PARD3B: variants seen among roughly 807,000 people sequenced by gnomAD.
The protein encoded by PARD3B is par-3 family cell polarity regulator beta.
PARD3B carries 103 observed loss-of-function variants against 130.2 expected under a neutral mutation model. That is an observed-to-expected ratio of 0.79 (90% CI 0.67 to 0.93). The LOEUF is 0.93. Ranked by LOEUF, PARD3B falls within the 40% of genes least tolerant of loss-of-function variation. PARD3B has a pLI of 0.00. For missense variants in PARD3B, 1,609 were observed against 1,499.2 expected (o/e 1.07, Z -1.21); for synonymous variants, 583 against 553.2 (o/e 1.05, Z -0.76).
At chr2:205,139,047 C>A (rs1029002365) in intron 10 of PARD3B, among the ~76,000 whole-genome samples, 1 of 152,054 alleles carries the variant, frequency 6.6e-6, no homozygotes, top group African/African-American at 2.4e-5. Flanking sequence ...GTGTATTCTC[C>A]CATAGAACAT....
Position 204,887,054 on chromosome 2 carries a change from G to GC in PARD3B, c.223-78098_223-78097insC, listed in dbSNP as rs1553548360. ...CCCTTTGAGGCATTTTTTTAAATCAGTTTTTTTTAATCAGCTTTTAGTTCC... is the reference window on the plus strand; with the variant it reads ...CCCTTTGAGGCATTTTTTTAAATCAGCTTTTTTTTAATCAGCTTTTAGTTCC... On this transcript the variant is annotated intron_variant, in intron 2 of 22. Coordinates refer to ENST00000406610, the MANE Select transcript of PARD3B (RefSeq NM_001302769.2). The surrounding 1 kb of genome is among the most constrained non-coding windows in gnomAD (Gnocchi z 4.2). Among the ~76,000 whole-genome samples, 1 of 151,968 alleles carries GC rather than the reference G, an allele frequency of 6.6e-6. No individual in the cohort carries two copies. Among genetic ancestry groups the GC allele is most frequent in the African/African-American group, 2.4e-5 (1 of 41,368 alleles).
chr2:204,747,606 G>A (rs544303394), intron 2 of PARD3B, among the ~76,000 whole-genome samples: 1 of 152,162 alleles, frequency 6.6e-6, no homozygotes, highest in South Asian at 2.1e-4. Context: ...CAAAAAAAGA[G>A]CCCACATTGC....
intron 1 of PARD3B, among the ~76,000 whole-genome samples, chr2:204,634,181 G>A (rs1023263824): frequency 6.6e-6 from 1 of 151,916 alleles, no homozygotes; most frequent in Non-Finnish European, 1.5e-5. Context: ...CTTCTATTCT[G>A]TATATCCCTG....
chr2:204,905,232 C>T (rs1451298998), intron 2 of PARD3B, among the ~76,000 whole-genome samples: 1 of 152,132 alleles, frequency 6.6e-6, no homozygotes, highest in African/African-American at 2.4e-5. Flanking sequence ...CAGAAAGAGG[C>T]ATCTTGGAGC....
Position 205,513,177 on chromosome 2 carries a change from G to A in PARD3B, c.3180+13146G>A, listed in dbSNP as rs147050304. ...GCTCTCACAATTAATGTGAATGATA[G>A]CAGGAAGCAATCTTTAAAGTAGTAC... On this transcript the variant is annotated intron_variant, in intron 21 of 22. Transcript: ENST00000406610. Among the ~76,000 whole-genome samples the A allele has an allele frequency of 9.5e-4, 145 of 152,088 alleles. 2 individuals carry two copies. Among genetic ancestry groups the A allele is most frequent in the South Asian group, 5.8e-3 (28 of 4,824 alleles).
At chr2:205,369,466 A>G (rs2044729277) in intron 18 of PARD3B, among the ~76,000 whole-genome samples, 1 of 152,178 alleles carries the variant, frequency 6.6e-6, no homozygotes. Context: ...ACGTAGAATG[A>G]GATGGAAATT....
intron 22 of PARD3B, among the ~76,000 whole-genome samples, chr2:205,560,130 G>T (rs189615707): frequency 1.3e-5 from 2 of 152,166 alleles, no homozygotes; most frequent in Non-Finnish European, 1.5e-5. Flanking sequence ...AAACAGTCTG[G>T]CTGCGAGTTT....
intron 4 of PARD3B, among the ~76,000 whole-genome samples, chr2:205,065,748 T>C (rs1283015316): frequency 5.9e-5 from 9 of 152,132 alleles, no homozygotes; most frequent in Non-Finnish European, 8.8e-5. Context: ...TTTCTCTCTC[T>C]TTGCATTTTT....
chr2:204,818,919 A>C (rs1428060569), intron 2 of PARD3B, among the ~76,000 whole-genome samples: 1 of 152,154 alleles, frequency 6.6e-6, no homozygotes, highest in East Asian at 1.9e-4. Context: ...GAGTATGTTG[A>C]AGTGCGTTTT....
intron 2 of PARD3B, among the ~76,000 whole-genome samples, chr2:204,828,114 T>C (rs2043662009): frequency 6.6e-6 from 1 of 152,168 alleles, no homozygotes; most frequent in Non-Finnish European, 1.5e-5. Context: ...TCAGCACTCA[T>C]TTGTTGAATA....
chr2:204,716,395 A>G (rs181658914), intron 2 of PARD3B, among the ~76,000 whole-genome samples: 3 of 152,020 alleles, frequency 2.0e-5, no homozygotes, highest in South Asian at 4.2e-4. Flanking sequence ...TGAAAATTTG[A>G]AAAACACTGG....
At position 204,702,741 on chromosome 2, in the gene PARD3B, A is replaced by AT. The variant is rs1396752821; in HGVS notation, c.222+16465dup. Among the ~76,000 whole-genome samples, 4 of 151,912 alleles carry AT rather than the reference A, an allele frequency of 2.6e-5. No homozygotes were observed. The East Asian group carries it at 5.8e-4, about 22-fold the overall frequency. On this transcript the variant is annotated intron_variant, in intron 2 of 22. Transcript: ENST00000406610. The stretch of plus-strand genomic sequence containing the variant: ...AGGCACTGGCCACCATACTTGGCTA[A>AT]TTTTTTGTATTTTTAGTAGAGATGG...
At chr2:204,577,932 T>C (rs1559165863) in intron 1 of PARD3B, among the ~76,000 whole-genome samples, 3 of 152,154 alleles carry the variant, frequency 2.0e-5, no homozygotes, top group Non-Finnish European at 2.9e-5. Flanking sequence ...GTGGCCCTCG[T>C]TGGGGGTGGC....
chr2:205,242,590 A>G (rs879707740), intron 15 of PARD3B, among the ~76,000 whole-genome samples: 7 of 152,188 alleles, frequency 4.6e-5, no homozygotes, highest in Non-Finnish European at 1.0e-4. Flanking sequence ...TACAATAACA[A>G]TGTAAAAGTA....
intron 2 of PARD3B, among the ~76,000 whole-genome samples, chr2:204,703,804 T>C (rs568354508): frequency 2.9e-4 from 44 of 152,318 alleles, no homozygotes; most frequent in African/African-American, 1.1e-3. Flanking sequence ...TTCTATGTTA[T>C]TGTATAATTT....
chr2:204,766,976 T>A (rs2041185487), intron 2 of PARD3B, among the ~76,000 whole-genome samples: 1 of 126,098 alleles, frequency 7.9e-6, no homozygotes, highest in South Asian at 2.9e-4. Flanking sequence ...TTTTTTTTTT[T>A]TTTTCACATT....
intron 2 of PARD3B, among the ~76,000 whole-genome samples, chr2:204,891,654 C>T (rs946182995): frequency 1.3e-5 from 2 of 152,096 alleles, no homozygotes; most frequent in Admixed American, 1.3e-4. Context: ...CATTGAAAAC[C>T]AGCCACATTC....
chr2:204,719,165 G>A (rs1396408066), intron 2 of PARD3B, among the ~76,000 whole-genome samples: 3 of 151,972 alleles, frequency 2.0e-5, no homozygotes, highest in African/African-American at 4.8e-5. Flanking sequence ...TGTTAAAGAC[G>A]GGGCTTCTAA....
At position 205,232,719 on chromosome 2, in the gene PARD3B, A is replaced by T. The variant is rs1031723378; in HGVS notation, c.2141-13059A>T. Among the ~76,000 whole-genome samples, 22 of 152,326 alleles carry T rather than the reference A, an allele frequency of 1.4e-4. 1 individual carries two copies. Among genetic ancestry groups the T allele is most frequent in the African/African-American group, 5.1e-4 (21 of 41,582 alleles). ...ATGGAAGATATAAAAGAAGACCCAA[A>T]TCAAATTTCTAGAAAAGAAAAGTTT... On this transcript the variant is annotated intron_variant, in intron 15 of 22. Transcript: ENST00000406610.
Sources: allele counts gnomAD v4.1 joint callset (sites outside exome capture counted in the v4.1 genomes callset), GRCh38; gene constraint gnomAD v4.1.1; non-coding constraint Gnocchi (gnomAD v3.1); transcripts MANE v1.5; gene names NCBI Gene and HGNC (gene_info 2026-07-23, HGNC 2026-07-21).